Variants in SLC25A13 observed in about 807,000 individuals in gnomAD.
SLC25A13 encodes solute carrier family 25 member 13.
In SLC25A13, 70 loss-of-function variants were observed where a neutral mutation model predicts 85.5. That is an observed-to-expected ratio of 0.82 (90% CI 0.68 to 1.00). The LOEUF is 1.00. Among genes scored for constraint, SLC25A13 ranks in the 50% least tolerant of loss-of-function variants. SLC25A13 has a pLI of 0.00. For missense variants in SLC25A13, 765 were observed against 819.8 expected, an observed-to-expected ratio of 0.93 and a Z score of 0.82; for synonymous variants, 259 against 288.7, an observed-to-expected ratio of 0.90 and a Z score of 1.04.
chr7:96,132,066 TAAAAC>T (rs1467444858), intron 14 of SLC25A13, among the ~76,000 whole-genome samples, 185 bp from the exon 15 acceptor site: 10 of 152,224 alleles, frequency 6.6e-5, no homozygotes, highest in Admixed American at 6.5e-4. Context: ...ACTTTGTTTT[TAAAAC>T]AAAAACTAGT....
chr7:96,269,235 C>G (rs540973551), intron 3 of SLC25A13, among the ~76,000 whole-genome samples: 1 of 152,166 alleles, frequency 6.6e-6, no homozygotes, highest in African/African-American at 2.4e-5. Flanking sequence ...ACATGGAAGG[C>G]TGACCAATGT....
At chr7:96,141,441 A>G (rs1296617085) in intron 14 of SLC25A13, among the ~76,000 whole-genome samples, 1 of 152,226 alleles carries the variant, frequency 6.6e-6, no homozygotes, top group African/African-American at 2.4e-5. Flanking sequence ...TAAGCTCTCA[A>G]TGAGTGTGTT....
intron 13 of SLC25A13, among the ~76,000 whole-genome samples, chr7:96,163,825 C>T (rs1001950272): frequency 1.3e-5 from 2 of 152,118 alleles, no homozygotes; most frequent in Admixed American, 1.3e-4. Context: ...TATCCAAACT[C>T]CAATACACCT....
At chr7:96,149,701 G>A (rs1792950609) in intron 13 of SLC25A13, among the ~76,000 whole-genome samples, 1 of 152,172 alleles carries the variant, frequency 6.6e-6, no homozygotes, top group South Asian at 2.1e-4. Context: ...AAGGAAATGA[G>A]AGACTCCAAG....
At chr7:96,261,665 A>T (rs971380474) in intron 3 of SLC25A13, among the ~76,000 whole-genome samples, 10 of 152,218 alleles carry the variant, frequency 6.6e-5, no homozygotes, top group Non-Finnish European at 1.5e-4. Context: ...CAATTATGCC[A>T]CAATCAATGG....
chr7:96,275,249 G>A (rs531622612), intron 3 of SLC25A13, among the ~76,000 whole-genome samples: 20 of 152,310 alleles, frequency 1.3e-4, no homozygotes, highest in African/African-American at 4.1e-4. Flanking sequence ...GTGCTGGAGA[G>A]GATGTGGAGA....
chr7:96,270,230 T>C (rs923085811), intron 3 of SLC25A13, among the ~76,000 whole-genome samples: 2 of 152,194 alleles, frequency 1.3e-5, no homozygotes, highest in Non-Finnish European at 2.9e-5. Flanking sequence ...TTGCATATCA[T>C]AAATATATTC....
chr7:96,124,231 A>G (rs991920809), intron 15 of SLC25A13, among the ~76,000 whole-genome samples: 1 of 152,216 alleles, frequency 6.6e-6, no homozygotes, highest in African/African-American at 2.4e-5. Context: ...ATTTTTATAA[A>G]TATCCCATTT....
chr7:96,228,329 T>A (rs1383500108), intron 4 of SLC25A13, among the ~76,000 whole-genome samples: 1 of 152,162 alleles, frequency 6.6e-6, no homozygotes. Context: ...AGGTCTTGTA[T>A]CCAGAAAATA....
At chr7:96,160,935 T>G (rs1793483600) in intron 13 of SLC25A13, among the ~76,000 whole-genome samples, 1 of 151,874 alleles carries the variant, frequency 6.6e-6, no homozygotes. Context: ...TCTTGGCTTT[T>G]CAGAAATCTG....
intron 11 of SLC25A13, among the ~76,000 whole-genome samples, chr7:96,171,949 GA>G (rs74217823): frequency 0.037 from 5,643 of 151,328 alleles, 130 homozygotes; most frequent in Non-Finnish European, 0.052. Context: ...TCTTCTTAAA[GA>G]AAAAAAAATT....
rs59749381 is a variant in SLC25A13 at position 96,139,945 on chromosome 7, CTTTTTTTTTTT to C, written c.1452+6600_1452+6610del. ...CTCCTTCAGATATCTGATTTCCATTCTTTTTTTTTTTTTTTTTTTTTTTTTTTTTTTGAGAC... is the reference window on the plus strand; with the variant it reads ...CTCCTTCAGATATCTGATTTCCATTCTTTTTTTTTTTTTTTTTTTTGAGAC... On this transcript the variant is annotated intron_variant, in intron 14 of 17. Transcript: ENST00000265631. Among the ~76,000 whole-genome samples the C allele has an allele frequency of 3.7e-4, 32 of 86,368 alleles. 1 individual carries two copies. In the South Asian group the frequency reaches 3.9e-3, roughly 10 times the overall value. 56.7% of individuals were successfully genotyped at this position (86,368 alleles called of 152,430 possible). A position where few individuals can be genotyped will look rare whatever the true frequency, so the allele number is the denominator to read the frequency against.
intron 2 of SLC25A13, among the ~76,000 whole-genome samples, chr7:96,278,659 G>A (rs553034327): frequency 7.9e-5 from 12 of 152,126 alleles, no homozygotes; most frequent in Admixed American, 1.3e-4. Flanking sequence ...TTAGCACAAC[G>A]CCCTATACAC....
chr7:96,185,945 T>C, intron 9 of SLC25A13, among the ~76,000 whole-genome samples: 1 of 152,036 alleles, frequency 6.6e-6, no homozygotes, highest in East Asian at 1.9e-4. Context: ...AAAACATCAA[T>C]GAGACATCAT....
chr7:96,252,221 C>T (rs188614415), intron 3 of SLC25A13, among the ~76,000 whole-genome samples: 1 of 152,246 alleles, frequency 6.6e-6, no homozygotes, highest in East Asian at 1.9e-4. Context: ...GTTGCTGCTA[C>T]TGTCACCTTT....
intron 1 of SLC25A13, among the ~76,000 whole-genome samples, chr7:96,314,585 C>T (rs1584613083): frequency 6.6e-6 from 1 of 152,200 alleles, no homozygotes; most frequent in Admixed American, 6.5e-5. Flanking sequence ...ATGAGGAAAT[C>T]TGTAGGTGTT....
At chr7:96,238,122 G>C (rs910264236) in intron 3 of SLC25A13, among the ~76,000 whole-genome samples, 9 of 152,166 alleles carry the variant, frequency 5.9e-5, no homozygotes, top group Non-Finnish European at 1.0e-4. Context: ...GTGGAGTAGG[G>C]CAGGCACCTA....
chr7:96,256,877 A>G (rs1465527480), intron 3 of SLC25A13, among the ~76,000 whole-genome samples: 2 of 152,250 alleles, frequency 1.3e-5, no homozygotes, highest in East Asian at 1.9e-4. Context: ...CTCAGACCAC[A>G]GTGCAATCAA....
chr7:96,141,301 A>G (rs1167455382), intron 14 of SLC25A13, among the ~76,000 whole-genome samples: 1 of 152,080 alleles, frequency 6.6e-6, no homozygotes, highest in Non-Finnish European at 1.5e-5. Context: ...GAGATTACAG[A>G]CGTAAGGCAC....
Sources: allele counts gnomAD v4.1 joint callset (sites outside exome capture counted in the v4.1 genomes callset), GRCh38; gene constraint gnomAD v4.1.1; transcripts MANE v1.5; gene names NCBI Gene and HGNC (gene_info 2026-07-23, HGNC 2026-07-21).